SGCZ: variants seen among roughly 807,000 people sequenced by gnomAD.
SGCZ encodes the protein zeta-sarcoglycan.
A neutral mutation model predicts 41.3 loss-of-function variants in SGCZ; 40 were observed. The ratio of observed to expected loss-of-function variants is 0.97; its 90% CI spans 0.75 to 1.26. SGCZ has a LOEUF of 1.26. Among genes scored for constraint, SGCZ ranks in the 50% most tolerant of loss-of-function variants. SGCZ has a pLI of 0.00. For missense variants in SGCZ, 552 were observed against 369.8 expected (o/e 1.49, Z -4.04); for synonymous variants, 206 against 137.5 (o/e 1.50, Z -3.49).
chr8:14,885,330 T>A (rs1804748507), intron 1 of SGCZ, among the ~76,000 whole-genome samples: 1 of 152,182 alleles, frequency 6.6e-6, no homozygotes, highest in African/African-American at 2.4e-5. Flanking sequence ...CGGTTCTGGT[T>A]AGAGTAGTAT....
chr8:14,190,574 G>T (rs918655285), intron 4 of SGCZ, among the ~76,000 whole-genome samples: 3 of 151,870 alleles, frequency 2.0e-5, no homozygotes, highest in Non-Finnish European at 2.9e-5. Flanking sequence ...AAGAGGGATT[G>T]TTGGATGACA....
At chr8:14,286,480 C>A (rs185881073) in intron 3 of SGCZ, among the ~76,000 whole-genome samples, 1 of 152,202 alleles carries the variant, frequency 6.6e-6, no homozygotes, top group Admixed American at 6.5e-5. Context: ...TGTTTGACAG[C>A]TCTTTTCTAA....
intron 2 of SGCZ, among the ~76,000 whole-genome samples, chr8:14,522,232 T>A (rs1802812048): frequency 2.6e-5 from 4 of 152,098 alleles, no homozygotes. Flanking sequence ...GTTTTAGTTT[T>A]TGGCGCTGTC....
intron 4 of SGCZ, among the ~76,000 whole-genome samples, chr8:14,235,425 C>T (rs1263353491): frequency 1.3e-5 from 2 of 152,184 alleles, no homozygotes; most frequent in East Asian, 3.9e-4. Context: ...ATTTAAAACT[C>T]AGCTTAACAT....
At chr8:14,284,650 T>A (rs1800563034) in intron 3 of SGCZ, among the ~76,000 whole-genome samples, 1 of 152,178 alleles carries the variant, frequency 6.6e-6, no homozygotes, top group African/African-American at 2.4e-5. Flanking sequence ...TCTTCTTACT[T>A]TATTTCCCTT....
intron 1 of SGCZ, among the ~76,000 whole-genome samples, chr8:15,033,205 G>C (rs1177169886): frequency 6.6e-6 from 1 of 151,608 alleles, no homozygotes; most frequent in Non-Finnish European, 1.5e-5. Flanking sequence ...AGGCCCCTGT[G>C]GCCCTAGGAA....
chr8:14,437,931 A>G (rs558854118), intron 2 of SGCZ, among the ~76,000 whole-genome samples: 4 of 151,972 alleles, frequency 2.6e-5, no homozygotes, highest in Non-Finnish European at 5.9e-5. Context: ...ATGATTACCG[A>G]TTTGTGTTGT....
rs187928618 is a variant in SGCZ, at chr8:14,615,358, G to T, written c.40-60432C>A. ...GAGATGCCCAGCTGTAGCCACTCAG[G>T]TGATTTCTCTTCTGTGCTCCTGTAT... On this transcript the variant is annotated intron_variant, in intron 1 of 7. Transcript: ENST00000382080. 6.6e-5 allele frequency among the ~76,000 whole-genome samples: 10 copies of T among 152,298 alleles called. No individual in the cohort carries two copies. The East Asian group carries it at 1.9e-3, about 29-fold the overall frequency.
intron 5 of SGCZ, among the ~76,000 whole-genome samples, chr8:14,109,262 C>T (rs1011760810): frequency 3.9e-5 from 6 of 152,274 alleles, no homozygotes; most frequent in African/African-American, 7.2e-5. Context: ...TACTCTATCT[C>T]AACTTTCATT....
intron 1 of SGCZ, among the ~76,000 whole-genome samples, chr8:15,192,299 G>T (rs1800568097): frequency 6.6e-6 from 1 of 151,906 alleles, no homozygotes; most frequent in Admixed American, 6.6e-5. Flanking sequence ...TCGGAACATT[G>T]TTTTGATGAG....
At chr8:14,369,398 G>A (rs368659576) in intron 2 of SGCZ, among the ~76,000 whole-genome samples, 10 of 151,814 alleles carry the variant, frequency 6.6e-5, no homozygotes, top group Non-Finnish European at 1.5e-4. Flanking sequence ...TCATAATAAA[G>A]GCTTTTTTTG....
intron 7 of SGCZ, among the ~76,000 whole-genome samples, chr8:14,100,705 A>G (rs1801993521): frequency 6.6e-6 from 1 of 150,940 alleles, no homozygotes; most frequent in Non-Finnish European, 1.5e-5. Flanking sequence ...TCCTACCAGT[A>G]AATCTGTTTT....
chr8:15,094,032 C>A (rs992048334), intron 1 of SGCZ, among the ~76,000 whole-genome samples: 1 of 151,974 alleles, frequency 6.6e-6, no homozygotes, highest in Admixed American at 6.6e-5. Context: ...TAAAAGGAAC[C>A]AAATTAATTG....
intron 1 of SGCZ, among the ~76,000 whole-genome samples, chr8:15,214,790 T>G (rs1279712526): frequency 6.6e-6 from 1 of 152,178 alleles, no homozygotes; most frequent in East Asian, 1.9e-4. Context: ...AGGCCGCTGA[T>G]GGTGCAATTT....
chr8:14,613,048 G>A (rs970568364), intron 1 of SGCZ, among the ~76,000 whole-genome samples: 1 of 152,128 alleles, frequency 6.6e-6, no homozygotes. Flanking sequence ...CTTAATCATA[G>A]GGATAGGAGA....
intron 1 of SGCZ, among the ~76,000 whole-genome samples, chr8:14,747,197 C>T (rs535323062): frequency 3.9e-5 from 6 of 152,298 alleles, no homozygotes; most frequent in South Asian, 2.1e-4. Context: ...AATGAAGCAC[C>T]GTGTTAGGAC....
chr8:14,485,836 T>TTTTTTTG (rs1554525255), intron 2 of SGCZ, among the ~76,000 whole-genome samples: 1 of 127,170 alleles, frequency 7.9e-6, no homozygotes, highest in Non-Finnish European at 1.8e-5. Context: ...TAGAACAATT[T>TTTTTTTG]TTTTTTTTTT....
At chr8:15,128,874 A>G (rs1807799121) in intron 1 of SGCZ, among the ~76,000 whole-genome samples, 1 of 152,182 alleles carries the variant, frequency 6.6e-6, no homozygotes, top group South Asian at 2.1e-4. Flanking sequence ...TCTGGAGAAT[A>G]AGCTGATTTC....
rs75538096 is a variant in SGCZ, at chr8:15,120,080, A to C, written c.39+117505T>G. On this transcript the variant is annotated intron_variant, in intron 1 of 7. Coordinates refer to ENST00000382080, the MANE Select transcript of SGCZ (RefSeq NM_139167.4). ...GGCTAGTCTGAAACTCCTGTGCCTC[A>C]AGTGACCCTCCCACCTCGGCCTTCC... 4.8e-3 allele frequency among the ~76,000 whole-genome samples: 738 copies of C among 152,286 alleles called. 8 individuals are homozygous for C. Among genetic ancestry groups the C allele is most frequent in the African/African-American group, 0.017 (707 of 41,562 alleles).
Sources: gnomAD v4.1 joint callset for allele counts (sites outside exome capture counted in the v4.1 genomes callset) on GRCh38, gnomAD v4.1.1 for gene constraint, MANE v1.5 for transcripts, NCBI Gene and HGNC (gene_info 2026-07-23, HGNC 2026-07-21) for gene names.